The following CASQ1 variants were observed in gnomAD, a reference collection of about 807,000 sequenced individuals.
CASQ1 encodes the protein calsequestrin 1, also known as calsequestrin-1.
Under a neutral mutation model 49.5 loss-of-function variants are expected in CASQ1, and 40 were observed. That is an observed-to-expected ratio of 0.81 (90% CI 0.63 to 1.05). CASQ1 has a LOEUF of 1.05. Ranked by LOEUF, CASQ1 falls within the 50% of genes least tolerant of loss-of-function variation. CASQ1 has a pLI of 0.00. For missense variants in CASQ1, 469 were observed against 486.9 expected, an observed-to-expected ratio of 0.96 and a Z score of 0.35; for synonymous variants, 174 against 187.2, an observed-to-expected ratio of 0.93 and a Z score of 0.58.
At position 160,190,950 on chromosome 1, in the gene CASQ1, C is replaced by T. The variant is rs1294451867; in HGVS notation, c.199C>T (p.Leu67=). The T allele has an allele frequency of 7.4e-6, 12 of 1,614,026 alleles. No individual in the cohort carries two copies. Among genetic ancestry groups the T allele is most frequent in the Non-Finnish European group, 1.0e-5 (12 of 1,180,014 alleles). ...GAATGTGTTCAAGAAGTATGAGGTG[C>T]TGGCACTCCTCTACCATGAACCCCC... is the stretch of plus-strand genomic sequence containing the variant. ...YKNVFKKYEV[L]ALLYHEPPED... Residue 67 remains leucine (L), a synonymous_variant, in exon 1 of 11, where the codon CTG becomes TTG. Transcript: ENST00000368078.
intron 2 of CASQ1, among the ~76,000 whole-genome samples, chr1:160,193,521 G>T (rs557330618): frequency 1.4e-4 from 21 of 152,186 alleles, no homozygotes; most frequent in African/African-American, 5.1e-4. Context: ...TCCCTAGAAA[G>T]CTCTGGGGCC....
Position 160,198,691 on chromosome 1 carries a change from TGGAA to T in CASQ1, c.844_847del (p.Gly282SerfsTer18). 4.3e-6 allele frequency: 7 copies of T among 1,613,812 alleles called. No individual in the cohort carries two copies. The highest frequency in any genetic ancestry group is 5.9e-6 in the Non-Finnish European group (7 of 1,179,722). ...CCCCCTGACAGGAGGATGATATGGA[TGGAA>T]TCCACATTGTGGCCTTCGCAGAGGA... On this transcript the variant is annotated frameshift_variant, in exon 8 of 11. Coordinates refer to ENST00000368078, the MANE Select transcript of CASQ1 (RefSeq NM_001231.5). LOFTEE classifies it high-confidence loss of function.
At position 160,199,917 on chromosome 1, in the gene CASQ1, G is replaced by A; in HGVS notation, c.1051G>A (p.Val351Ile). ...AGCCCCACAAATAGGAGTCGTCAAT[G>A]TTACTGATGTGAGTTTCCTGTCCTC... ...LSAPQIGVVN[V>I]TDADSVWMEM... The change falls in exon 10 of 11, where the codon GTT becomes ATT. Residue 351 changes from valine (V) to isoleucine (I), a missense_variant. Physicochemically the swap from Val to Ile is conservative, Grantham distance 29. Transcript: ENST00000368078. The A allele has an allele frequency of 6.2e-7, 1 of 1,610,800 alleles. No individual in the cohort carries two copies. Among genetic ancestry groups the A allele is most frequent in the Admixed American group, 1.7e-5 (1 of 60,018 alleles).
intron 9 of CASQ1, among the ~76,000 whole-genome samples, 158 bp downstream of exon 9, chr1:160,199,211 G>A (rs1045885047): frequency 6.6e-6 from 1 of 152,158 alleles, no homozygotes; most frequent in Non-Finnish European, 1.5e-5. Flanking sequence ...CTGTTGGCAT[G>A]GAGGGCATCC....
Position 160,195,659 on chromosome 1 carries a change from C to CT in CASQ1, c.651+125_651+126insT, listed in dbSNP as rs371052772. The CT allele has an allele frequency of 1.1e-3, 924 of 825,776 alleles. 15 individuals are homozygous for CT. The Admixed American group carries it at 0.015, about 13-fold the overall frequency. 51.2% of individuals were successfully genotyped at this position (825,776 alleles called of 1,614,324 possible). A position where few individuals can be genotyped will look rare whatever the true frequency, so the allele number is the denominator to read the frequency against. ...TGCTGGCACTCCCTACCTGCCCCCCCCCCCGGCTCCTCCCACTCCATAGAT... is the reference window on the plus strand; with the variant it reads ...TGCTGGCACTCCCTACCTGCCCCCCCTCCCCGGCTCCTCCCACTCCATAGAT... On this transcript the variant is annotated intron_variant, in intron 5 of 10. Transcript: ENST00000368078.
In CASQ1 at chr1:160,195,996, G is replaced by A. The variant is rs770759507; in HGVS notation, c.751G>A (p.Glu251Lys). 1.9e-6 allele frequency: 3 copies of A among 1,614,086 alleles called. No homozygotes were observed. Among genetic ancestry groups the A allele is most frequent in the Non-Finnish European group, 1.7e-6 (2 of 1,179,982 alleles). ...CCCAGACAAGCCCAATAGCGAAGAG[G>A]AGATTGTCAACTTCGTGGAGGAGCA... Reference protein sequence around the residue: ...TIPDKPNSEEEIVNFVEEHRR... With the variant: ...TIPDKPNSEEKIVNFVEEHRR... The change falls in exon 6 of 11, where the codon GAG becomes AAG. Residue 251 changes from glutamate (E) to lysine (K), a missense_variant. Glu to Lys is a moderately conservative substitution (Grantham distance 56, BLOSUM62 1). Coordinates refer to ENST00000368078, the MANE Select transcript of CASQ1 (RefSeq NM_001231.5).
intron 2 of CASQ1, among the ~76,000 whole-genome samples, chr1:160,193,498 A>G (rs1183281375): frequency 6.6e-6 from 1 of 151,982 alleles, no homozygotes. Context: ...ACCCTACCTG[A>G]TCCCCCAGCT....
At chr1:160,195,191 C>T in intron 4 of CASQ1, 68 bp downstream of exon 4, 1 of 984,194 alleles carries the variant, frequency 1.0e-6, no homozygotes, top group Non-Finnish European at 1.6e-6. Flanking sequence ...CCCACCTCCC[C>T]ACATCACCCA....
At position 160,199,921 on chromosome 1, in the gene CASQ1, C is replaced by CA; in HGVS notation, c.1055_1056insA (p.Asp353Ter). ...CCACAAATAGGAGTCGTCAATGTTA[C>CA]TGATGTGAGTTTCCTGTCCTCATCC... On this transcript the variant is annotated frameshift_variant, in exon 10 of 11. Transcript: ENST00000368078. LOFTEE classifies it high-confidence loss of function. The CA allele has an allele frequency of 1.2e-6, 2 of 1,608,984 alleles. No individual in the cohort carries two copies. The highest frequency in any genetic ancestry group is 1.7e-6 in the Non-Finnish European group (2 of 1,175,312).
At chr1:160,192,248 G>C (rs749322861) in intron 1 of CASQ1, among the ~76,000 whole-genome samples, 122 of 152,016 alleles carry the variant, frequency 8.0e-4, no homozygotes, top group Non-Finnish European at 1.5e-3. Flanking sequence ...CTCCCTCTGG[G>C]GGGTAACAAA....
chr1:160,198,798 T>G, intron 8 of CASQ1, 67 bp downstream of exon 8: 1 of 1,425,008 alleles, frequency 7.0e-7, no homozygotes. Context: ...TATTGGAGCA[T>G]GGGCCTCACT....
In CASQ1 at chr1:160,191,105, G is replaced by C. The variant is rs149468328; in HGVS notation, c.279+75G>C. 600 of 1,497,276 alleles carry C rather than the reference G, an allele frequency of 4.0e-4. 1 individual carries two copies. In the African/African-American group the frequency reaches 6.4e-3, roughly 16 times the overall value. 92.7% of individuals were successfully genotyped at this position (1,497,276 alleles called of 1,614,324 possible). On this transcript the variant is annotated intron_variant, in intron 1 of 10. Coordinates refer to ENST00000368078, the MANE Select transcript of CASQ1 (RefSeq NM_001231.5). ...GAATCCCCTATCCTACACCCATGTA[G>C]CTCTTTGAGGATGGGATCTGGGGGT... is the stretch of plus-strand genomic sequence containing the variant.
intron 6 of CASQ1, among the ~76,000 whole-genome samples, chr1:160,196,779 T>C (rs1308119360): frequency 6.6e-6 from 1 of 152,176 alleles, no homozygotes; most frequent in Non-Finnish European, 1.5e-5. Flanking sequence ...CCTGGCCCCA[T>C]GTTCTTTCTA....
chr1:160,196,217 C>T (rs905781089), intron 6 of CASQ1, among the ~76,000 whole-genome samples, 190 bp downstream of exon 6: 1 of 151,856 alleles, frequency 6.6e-6, no homozygotes, highest in Admixed American at 6.6e-5. Flanking sequence ...CACTACTTAG[C>T]CCTGAGCCCT....
intron 3 of CASQ1, among the ~76,000 whole-genome samples, chr1:160,194,174 ACAT>A (rs1654148396): frequency 6.8e-6 from 1 of 148,012 alleles, no homozygotes; most frequent in South Asian, 2.1e-4. Context: ...CCCATCACAC[ACAT>A]ATCACATGCA....
Position 160,201,505 on chromosome 1 carries a change from G to T in CASQ1, c.*129G>T. ...CCATAGAGCTAACTGGGGTCTATAT[G>T]CTGGGTGCTGAGACACTGATCCCCC... is the stretch of plus-strand genomic sequence containing the variant. On this transcript the variant is annotated 3_prime_UTR_variant, in exon 11 of 11. Coordinates refer to ENST00000368078, the MANE Select transcript of CASQ1 (RefSeq NM_001231.5). 1 of 970,028 alleles carries T rather than the reference G, an allele frequency of 1.0e-6. No individual in the cohort carries two copies. Among genetic ancestry groups the T allele is most frequent in the African/African-American group, 1.6e-5 (1 of 62,326 alleles). 60.1% of individuals were successfully genotyped at this position (970,028 alleles called of 1,614,324 possible).
chr1:160,193,920 A>ACTGC, intron 3 of CASQ1, 73 bp downstream of exon 3: 1 of 850,968 alleles, frequency 1.2e-6, no homozygotes, highest in South Asian at 1.3e-5. Flanking sequence ...TACCAACCCC[A>ACTGC]ACCTGACACT....
At position 160,190,922 on chromosome 1, in the gene CASQ1, C is replaced by T. The variant is rs1654059415; in HGVS notation, c.171C>T (p.Tyr57=). Residue 57 remains tyrosine (Y), a synonymous_variant, in exon 1 of 11, where the codon TAC becomes TAT. Transcript: ENST00000368078. ...TGATCAATGTCAATGCAAAGAACTA[C>T]AAGAATGTGTTCAAGAAGTATGAGG... ...DRVINVNAKN[Y]KNVFKKYEVL... The T allele has an allele frequency of 6.2e-7, 1 of 1,614,156 alleles. No homozygotes were observed. Among genetic ancestry groups the T allele is most frequent in the Non-Finnish European group, 8.5e-7 (1 of 1,180,024 alleles).
chr1:160,195,543 C>G lies in CASQ1; in HGVS notation c.651+9C>G, dbSNP rs372138816. 5 of 1,612,062 alleles carry G rather than the reference C, an allele frequency of 3.1e-6. No homozygotes were observed. Among genetic ancestry groups the G allele is most frequent in the Middle Eastern group, 1.6e-4 (1 of 6,080 alleles). On this transcript the variant is annotated intron_variant, in intron 5 of 10. Coordinates refer to ENST00000368078, the MANE Select transcript of CASQ1 (RefSeq NM_001231.5). ...CCACCTTCGACAGCAAGGTTCTCCT[C>G]CCCGCAGCTGTATTGGTTCTGCCTC...
Sources: allele counts gnomAD v4.1 joint callset (sites outside exome capture counted in the v4.1 genomes callset), GRCh38; gene constraint gnomAD v4.1.1; transcripts MANE v1.5; gene names NCBI Gene and HGNC (gene_info 2026-07-23, HGNC 2026-07-21).